ODR4: variants seen among roughly 807,000 people sequenced by gnomAD.
The protein encoded by ODR4 is protein odr-4 homolog.
Under a neutral mutation model 60.2 loss-of-function variants are expected in ODR4, and 47 were observed. The ratio of observed to expected loss-of-function variants is 0.78; its 90% CI spans 0.62 to 1.00. The LOEUF is 1.00. Ranked by LOEUF, ODR4 falls within the 50% of genes least tolerant of loss-of-function variation. ODR4 has a pLI of 0.00. For synonymous variants in ODR4, 178 were observed against 175.5 expected (o/e 1.01, Z -0.11); for missense variants, 488 against 530.8 (o/e 0.92, Z 0.79).
chr1:186,434,365 A>C, the ODR4 span, among the ~76,000 whole-genome samples: 5 of 152,198 alleles, frequency 3.3e-5, no homozygotes, highest in Admixed American at 6.5e-5. Context: ...TAGACAATAT[A>C]TACCTCATAA....
At chr1:186,404,535 T>C (rs866964083) in intron 11 of ODR4, among the ~76,000 whole-genome samples, 20 of 152,356 alleles carry the variant, frequency 1.3e-4, no homozygotes, top group African/African-American at 4.6e-4. Context: ...CTGTTTCAAG[T>C]AACTGTGGCT....
chr1:186,388,294 C>A (rs1198832026), intron 4 of ODR4, 148 bp from the exon 5 acceptor site: 9 of 494,436 alleles, frequency 1.8e-5, no homozygotes, highest in Non-Finnish European at 3.2e-5. Flanking sequence ...CCAGCTTGAG[C>A]AACATAGTGA....
Position 186,420,847 on chromosome 1 carries a change from C to T in ODR4, c.*1771C>T, listed in dbSNP as rs1011764122. On this transcript the variant is annotated 3_prime_UTR_variant, in exon 14 of 14. Coordinates refer to ENST00000287859, the MANE Select transcript of ODR4 (RefSeq NM_017847.6). ...GAGAGGCAGTACTTGAAAGATAACA[C>T]AATTTTACAAATTTGTTGGAAAAAC... The T allele has an allele frequency of 6.6e-6, 1 of 152,128 alleles. No homozygotes were observed. The highest frequency in any genetic ancestry group is 1.5e-5 in the Non-Finnish European group (1 of 68,018). The allele number at this position is 152,128 out of a possible 1,614,324, so 9.4% of individuals were successfully genotyped here. A position where few individuals can be genotyped will look rare whatever the true frequency, so the allele number is the denominator to read the frequency against.
At chr1:186,378,879 T>C (rs1001402038) in intron 1 of ODR4, among the ~76,000 whole-genome samples, 3 of 152,360 alleles carry the variant, frequency 2.0e-5, no homozygotes, top group East Asian at 1.9e-4. Context: ...TGTTATTGTA[T>C]TGCTATTTAT....
At chr1:186,407,057 A>G (rs2102073647) in intron 12 of ODR4, among the ~76,000 whole-genome samples, 1 of 152,086 alleles carries the variant, frequency 6.6e-6, no homozygotes, top group East Asian at 1.9e-4. Context: ...GGGAACTTCA[A>G]ATCTATAGTA....
At position 186,383,052 on chromosome 1, in the gene ODR4, G is replaced by T; in HGVS notation, c.130G>T (p.Ala44Ser). Residue 44 changes from alanine (A) to serine (S), a missense_variant, in exon 3 of 14, where the codon GCC becomes TCC. By Grantham distance (99) the Ala-to-Ser change is moderately conservative (BLOSUM62 1). Transcript: ENST00000287859. ...CSSQKDYVIL[A>S]TRTPPKEEQS... ...GTCACAAAAGGATTATGTGATTCTT[G>T]CCACTAGAACGCCACCCAAAGAGGA... is the stretch of plus-strand genomic sequence containing the variant. 6.3e-7 allele frequency: 1 copy of T among 1,583,450 alleles called. No individual in the cohort carries two copies. The highest frequency in any genetic ancestry group is 1.3e-5 in the African/African-American group (1 of 74,404).
chr1:186,392,709 T>A (rs924566285), intron 8 of ODR4, among the ~76,000 whole-genome samples: 5 of 144,858 alleles, frequency 3.5e-5, no homozygotes, highest in African/African-American at 1.3e-4. Context: ...TTGCAGCTAC[T>A]TGGGAGGCAG....
At chr1:186,415,780 A>C (rs561341801) in intron 12 of ODR4, among the ~76,000 whole-genome samples, 22 of 152,370 alleles carry the variant, frequency 1.4e-4, no homozygotes, top group African/African-American at 5.3e-4. Flanking sequence ...GCATTAAATA[A>C]ATTCGGATAG....
chr1:186,421,886 A>G (rs1021849269), downstream of ODR4, among the ~76,000 whole-genome samples: 6 of 146,024 alleles, frequency 4.1e-5, no homozygotes, highest in African/African-American at 1.5e-4. Flanking sequence ...AAAAATGATG[A>G]ATCATTCCAA....
intron 12 of ODR4, among the ~76,000 whole-genome samples, chr1:186,412,114 G>A (rs1397913263): frequency 2.6e-5 from 4 of 152,122 alleles, no homozygotes. Flanking sequence ...GGATTCTACA[G>A]ATAAAATATG....
At chr1:186,377,034 C>G (rs1659803268) in intron 1 of ODR4, among the ~76,000 whole-genome samples, 1 of 152,094 alleles carries the variant, frequency 6.6e-6, no homozygotes, top group South Asian at 2.1e-4. Context: ...GTTCCAGGAC[C>G]CTCTCACCTG....
intron 11 of ODR4, among the ~76,000 whole-genome samples, chr1:186,400,098 T>G (rs901446377): frequency 6.7e-6 from 1 of 149,780 alleles, no homozygotes; most frequent in Non-Finnish European, 1.5e-5. Flanking sequence ...TTCACGCCAT[T>G]CTCCTGCCTC....
Position 186,406,129 on chromosome 1 carries a change from C to A in ODR4, c.1047C>A (p.Pro349=), listed in dbSNP as rs1168244218. Residue 349 remains proline (P), a synonymous_variant, in exon 12 of 14, where the codon CCC becomes CCA. Transcript: ENST00000287859. ...TCCTCCCTTATCGAGTCTTTGTTCC[C>A]CTTCCTGGATCCACTGTAATGTTGT... ...FHVLPYRVFV[P]LPGSTVMLCD... 1 of 1,602,922 alleles carries A rather than the reference C, an allele frequency of 6.2e-7. No individual in the cohort carries two copies. Among genetic ancestry groups the A allele is most frequent in the Non-Finnish European group, 8.5e-7 (1 of 1,175,202 alleles).
intron 3 of ODR4, among the ~76,000 whole-genome samples, chr1:186,383,933 G>C (rs1660145335): frequency 6.6e-6 from 1 of 152,064 alleles, no homozygotes; most frequent in South Asian, 2.1e-4. Flanking sequence ...CAGCTACTTG[G>C]GAGGCTGAGG....
chr1:186,394,990 ATTATT>A (rs1660614895), intron 9 of ODR4, among the ~76,000 whole-genome samples: 1 of 152,384 alleles, frequency 6.6e-6, no homozygotes, highest in East Asian at 1.9e-4. Flanking sequence ...TTTGGTTAAG[ATTATT>A]TTATTAGTAG....
chr1:186,395,336 G>A (rs1192699031), intron 9 of ODR4, among the ~76,000 whole-genome samples: 3 of 151,958 alleles, frequency 2.0e-5, no homozygotes, highest in South Asian at 2.1e-4. Context: ...CATATGATCC[G>A]CCTGCCTCGG....
chr1:186,405,549 A>T (rs2102070760), intron 11 of ODR4, among the ~76,000 whole-genome samples: 2 of 152,074 alleles, frequency 1.3e-5, no homozygotes. Context: ...TGATAAGTTT[A>T]TTTTATTTTT....
chr1:186,425,596 G>A (rs1178452345), downstream of ODR4, among the ~76,000 whole-genome samples: 1 of 152,270 alleles, frequency 6.6e-6, no homozygotes, highest in Non-Finnish European at 1.5e-5. Context: ...CTCAGAGGAT[G>A]TTGAGGAACA....
downstream of ODR4, among the ~76,000 whole-genome samples, chr1:186,424,168 A>G (rs1558109863): frequency 6.6e-6 from 1 of 152,186 alleles, no homozygotes; most frequent in African/African-American, 2.4e-5. Context: ...GTCCGTTGAC[A>G]ACAAAAAACA....
Sources: allele counts gnomAD v4.1 joint callset (sites outside exome capture counted in the v4.1 genomes callset), GRCh38; gene constraint gnomAD v4.1.1; transcripts MANE v1.5; gene names NCBI Gene and HGNC (gene_info 2026-07-23, HGNC 2026-07-21).